Variants in ATCAY observed in about 807,000 individuals in gnomAD.
ATCAY encodes ATCAY kinesin light chain interacting caytaxin, also known as caytaxin.
A neutral mutation model predicts 47.7 loss-of-function variants in ATCAY; 22 were observed. The observed-to-expected ratio is 0.46, with a 90% CI of 0.33 to 0.66. The LOEUF (loss-of-function observed/expected upper bound fraction) is 0.66, where lower values mean the gene tolerates loss of function less well. Ranked by LOEUF, ATCAY falls within the 30% of genes least tolerant of loss-of-function variation. The pLI is 0.02. For synonymous variants in ATCAY, 216 were observed against 207.6 expected (o/e 1.04, Z -0.35); for missense variants, 452 against 515.0 (o/e 0.88, Z 1.18).
chr19:3,899,283 G>T (rs963739062), intron 2 of ATCAY, among the ~76,000 whole-genome samples: 1 of 149,990 alleles, frequency 6.7e-6, no homozygotes, highest in Non-Finnish European at 1.5e-5. Flanking sequence ...CATGCCCTAA[G>T]TGGAACAGAA....
chr19:3,885,951 T>C, intron 2 of ATCAY, 107 bp downstream of exon 2: 1 of 1,146,126 alleles, frequency 8.7e-7, no homozygotes, highest in Non-Finnish European at 1.3e-6. Context: ...CGCCCGGGGC[T>C]GGCCTGGTTC....
At chr19:3,892,016 A>C (rs2038722803) in intron 2 of ATCAY, among the ~76,000 whole-genome samples, 1 of 151,872 alleles carries the variant, frequency 6.6e-6, no homozygotes, top group Admixed American at 6.6e-5. Context: ...CAGCCTCCCA[A>C]ATAGCTGAGT....
rs1234962513 is a variant in ATCAY at position 3,922,247 on chromosome 19, T to C, written c.1106+1449T>C. 5.7e-6 allele frequency: 4 copies of C among 700,316 alleles called. No homozygotes were observed. The East Asian group carries it at 1.1e-4, about 19-fold the overall frequency. The allele number at this position is 700,316 out of a possible 1,614,324, so 43.4% of individuals were successfully genotyped here. On this transcript the variant is annotated intron_variant, in intron 12 of 12. Coordinates refer to ENST00000450849, the MANE Select transcript of ATCAY (RefSeq NM_033064.5). ...TGTGAGTGTTATTAGTCCATTCTCA[T>C]GCTGCTATGAAGAAATACCCAAGAC... is the stretch of plus-strand genomic sequence containing the variant.
At position 3,924,784 on chromosome 19, in the gene ATCAY, T is replaced by G. The variant is rs1026904126; in HGVS notation, c.*192T>G. On this transcript the variant is annotated 3_prime_UTR_variant, in exon 13 of 13. Transcript: ENST00000450849. ...CTTGAAAACATTGTATTTTTTTTTT[T>G]TAACGATGCAGTATTTGTGCGTTCC... 3 of 600,724 alleles carry G rather than the reference T, an allele frequency of 5.0e-6. No homozygotes were observed. The highest frequency in any genetic ancestry group is 3.8e-5 in the African/African-American group (2 of 53,328). 37.2% of individuals were successfully genotyped at this position (600,724 alleles called of 1,614,324 possible). A position where few individuals can be genotyped will look rare whatever the true frequency, so the allele number is the denominator to read the frequency against.
chr19:3,922,346 T>C (rs2039028130), intron 12 of ATCAY: 4 of 628,010 alleles, frequency 6.4e-6, no homozygotes, highest in South Asian at 1.9e-5. Flanking sequence ...GGGAAATTTA[T>C]AATCCTGGCG....
intron 2 of ATCAY, 115 bp downstream of exon 2, chr19:3,885,959 T>C: frequency 9.9e-7 from 1 of 1,009,510 alleles, no homozygotes; most frequent in Non-Finnish European, 1.5e-6. Flanking sequence ...GCTGGCCTGG[T>C]TCCATCTCCG....
At chr19:3,920,713 C>G in intron 11 of ATCAY, 53 bp from the exon 12 acceptor site, 1 of 1,501,504 alleles carries the variant, frequency 6.7e-7, no homozygotes, top group Non-Finnish European at 8.9e-7. Context: ...GGGAAAATGC[C>G]CAGGCTCCCA....
chr19:3,917,855 G>A (rs1219845134), intron 10 of ATCAY, 78 bp downstream of exon 10: 16 of 1,512,724 alleles, frequency 1.1e-5, no homozygotes, highest in African/African-American at 5.6e-5. Context: ...AGGGCAACCC[G>A]GTGACTTCTG....
Position 3,913,859 on chromosome 19 carries a change from G to A in ATCAY, c.965+3G>A, listed in dbSNP as rs2038943096. The A allele has an allele frequency of 1.2e-6, 2 of 1,609,396 alleles. No homozygotes were observed. The highest frequency in any genetic ancestry group is 1.7e-5 in the Admixed American group (1 of 59,556). On this transcript the variant is annotated splice_donor_region_variant and intron_variant, in intron 9 of 12. Transcript: ENST00000450849. Reference sequence around the variant, plus strand: ...CAGATCCCAGACTGCGTCCTGCAGTGAGTGGCCCCACAGTCCACCCCGCCG... The same window carrying A: ...CAGATCCCAGACTGCGTCCTGCAGTAAGTGGCCCCACAGTCCACCCCGCCG...
intron 2 of ATCAY, 124 bp downstream of exon 2, chr19:3,885,968 C>T (rs1448327719): frequency 4.1e-5 from 37 of 893,840 alleles, no homozygotes; most frequent in South Asian, 2.6e-4. Context: ...GTTCCATCTC[C>T]GCGTCCTCCT....
At chr19:3,886,249 G>T (rs1201650796) in intron 2 of ATCAY, among the ~76,000 whole-genome samples, 1 of 151,516 alleles carries the variant, frequency 6.6e-6, no homozygotes, top group Non-Finnish European at 1.5e-5. Context: ...AGGAGTTCGA[G>T]ACCAGCCTGG....
Position 3,907,187 on chromosome 19 carries a change from G to A in ATCAY, c.359-547G>A, listed in dbSNP as rs975326101. On this transcript the variant is annotated intron_variant, in intron 4 of 12. Transcript: ENST00000450849. This position sits in a 1 kb window ranked among gnomAD's most constrained non-coding sequence, Gnocchi z 5.1. Reference sequence around the variant, plus strand: ...AAGGACAATGTAGTGGCTCATTCCTGTAATCCCAGAGCTTCGGGAGGCCAG... The same window carrying A: ...AAGGACAATGTAGTGGCTCATTCCTATAATCCCAGAGCTTCGGGAGGCCAG... 6.6e-6 allele frequency among the ~76,000 whole-genome samples: 1 copy of A among 151,700 alleles called. No individual in the cohort carries two copies. The highest frequency in any genetic ancestry group is 1.5e-5 in the Non-Finnish European group (1 of 67,930).
chr19:3,924,650 G>C lies in ATCAY; in HGVS notation c.*58G>C. On this transcript the variant is annotated 3_prime_UTR_variant, in exon 13 of 13. Transcript: ENST00000450849. The stretch of plus-strand genomic sequence containing the variant: ...AGATTCCAGATGCCAGAAAACCTCT[G>C]TCAGACGCCCACTGGCCCCAGATCT... 6.2e-7 allele frequency: 1 copy of C among 1,602,472 alleles called. No homozygotes were observed. Among genetic ancestry groups the C allele is most frequent in the Admixed American group, 1.7e-5 (1 of 59,256 alleles).
intron 1 of ATCAY, among the ~76,000 whole-genome samples, chr19:3,882,323 CTTTTA>C (rs1487706225): frequency 6.6e-6 from 1 of 150,678 alleles, no homozygotes. Context: ...GATGCTTTAT[CTTTTA>C]TTTTATTTTT....
At chr19:3,915,937 G>A (rs1316608852) in intron 9 of ATCAY, among the ~76,000 whole-genome samples, 1 of 151,672 alleles carries the variant, frequency 6.6e-6, no homozygotes, top group Non-Finnish European at 1.5e-5. Flanking sequence ...TGATCTGCCT[G>A]GCTCGGCCTC....
At chr19:3,894,420 C>A (rs1368662506) in intron 2 of ATCAY, among the ~76,000 whole-genome samples, 1 of 147,500 alleles carries the variant, frequency 6.8e-6, no homozygotes, top group Non-Finnish European at 1.5e-5. Context: ...GGAGGCGGAG[C>A]TTGCAGTGAC....
At chr19:3,899,167 A>G (rs1239093152) in intron 2 of ATCAY, among the ~76,000 whole-genome samples, 1 of 152,154 alleles carries the variant, frequency 6.6e-6, no homozygotes, top group Non-Finnish European at 1.5e-5. Flanking sequence ...GATGCACTGG[A>G]GACGCAGTGG....
At chr19:3,883,926 C>T (rs2038624042) in intron 1 of ATCAY, among the ~76,000 whole-genome samples, 1 of 152,104 alleles carries the variant, frequency 6.6e-6, no homozygotes, top group Admixed American at 6.6e-5. Context: ...CAGCTCTGAT[C>T]CTGGCCCCCA....
chr19:3,915,572 G>A (rs1457670732), intron 9 of ATCAY, among the ~76,000 whole-genome samples: 2 of 139,840 alleles, frequency 1.4e-5, no homozygotes, highest in African/African-American at 2.7e-5. Context: ...TTTTTTTTGA[G>A]ATGGAGTCTT....
Sources: allele counts gnomAD v4.1 joint callset (sites outside exome capture counted in the v4.1 genomes callset), GRCh38; gene constraint gnomAD v4.1.1; non-coding constraint Gnocchi (gnomAD v3.1); transcripts MANE v1.5; gene names NCBI Gene and HGNC (gene_info 2026-07-23, HGNC 2026-07-21).